The following IGF2BP3 variants were observed in gnomAD, a reference collection of about 807,000 sequenced individuals.
The protein encoded by IGF2BP3 is insulin like growth factor 2 mRNA binding protein 3, also known as insulin-like growth factor 2 mRNA-binding protein 3.
In IGF2BP3, 9 loss-of-function variants were observed where a neutral mutation model predicts 73.8. That is an observed-to-expected ratio of 0.12 (90% confidence interval 0.07 to 0.21). The LOEUF is 0.21. Ranked by LOEUF, IGF2BP3 falls within the 10% of genes least tolerant of loss-of-function variation. IGF2BP3 has a pLI of 1.00. For missense variants in IGF2BP3, 542 were observed against 714.0 expected, an observed-to-expected ratio of 0.76 and a Z score of 2.75; for synonymous variants, 258 against 256.7, an observed-to-expected ratio of 1.01 and a Z score of -0.05.
At chr7:23,325,408 C>G (rs1386225140) in intron 10 of IGF2BP3, among the ~76,000 whole-genome samples, 1 of 151,958 alleles carries the variant, frequency 6.6e-6, no homozygotes, top group Non-Finnish European at 1.5e-5. Flanking sequence ...AACCACTGCT[C>G]AATGAAATAA....
chr7:23,355,914 T>C (rs913684998), intron 5 of IGF2BP3, among the ~76,000 whole-genome samples: 1 of 141,746 alleles, frequency 7.1e-6, no homozygotes, highest in East Asian at 2.0e-4. Flanking sequence ...GCCTAGGTGA[T>C]GAAATGAGAC....
At chr7:23,379,457 C>G (rs903569517) in intron 3 of IGF2BP3, among the ~76,000 whole-genome samples, 1 of 152,110 alleles carries the variant, frequency 6.6e-6, no homozygotes, top group East Asian at 1.9e-4. Flanking sequence ...TATTTGGGTA[C>G]CAATTTGGAT....
intron 2 of IGF2BP3, among the ~76,000 whole-genome samples, chr7:23,447,294 A>G (rs1788089000): frequency 6.6e-6 from 1 of 151,868 alleles, no homozygotes; most frequent in Admixed American, 6.6e-5. Flanking sequence ...CAAACAAACA[A>G]AAAACTAGCT....
chr7:23,351,422 G>C lies in IGF2BP3; in HGVS notation c.566C>G (p.Ser189Cys). Residue 189 changes from serine to cysteine, a missense_variant, in exon 6 of 15, where the codon TCC becomes TGC. This residue lies in a region of IGF2BP3 where 239 missense variants were observed against 241.9 expected (regional missense o/e 0.99). Coordinates refer to ENST00000258729, the MANE Select transcript of IGF2BP3 (RefSeq NM_006547.3). ...AGGCAAATCACATGGTTTCTGCTTG[G>C]ATACGGATCCTGGAGACCCCTGCCT... ...SSRQGSPGSV[S>C]KQKPCDLPLR... The C allele has an allele frequency of 6.2e-7, 1 of 1,613,694 alleles. No individual in the cohort carries two copies. The highest frequency in any genetic ancestry group is 8.5e-7 in the Non-Finnish European group (1 of 1,179,836).
intron 10 of IGF2BP3, among the ~76,000 whole-genome samples, chr7:23,327,051 AAAACTT>A (rs1029812793): frequency 1.3e-5 from 2 of 151,330 alleles, no homozygotes; most frequent in African/African-American, 4.9e-5. Context: ...CATGTACCCT[AAAACTT>A]AAAGTATAAT....
At chr7:23,362,824 G>C (rs1785266413) in intron 3 of IGF2BP3, 1 of 152,078 alleles carries the variant, frequency 6.6e-6, no homozygotes, top group Non-Finnish European at 1.5e-5. Context: ...CATGATCACA[G>C]CTCACTGCAG....
At chr7:23,376,403 C>T (rs1200113205) in intron 3 of IGF2BP3, among the ~76,000 whole-genome samples, 4 of 151,432 alleles carry the variant, frequency 2.6e-5, no homozygotes, top group African/African-American at 7.3e-5. Flanking sequence ...GGCATGGTGG[C>T]GGGCACCTGT....
chr7:23,467,510 C>T (rs949993674), intron 2 of IGF2BP3, among the ~76,000 whole-genome samples: 1 of 152,182 alleles, frequency 6.6e-6, no homozygotes, highest in African/African-American at 2.4e-5. Context: ...AGAGGCCCAC[C>T]CCGGTGCGAC....
Position 23,383,863 on chromosome 7 carries a change from G to A in IGF2BP3, c.286-22122C>T, listed in dbSNP as rs534401323. Reference sequence around the variant, plus strand: ...TGTAATTCCAGCACTTTGGGAGGCCGAGGCGGGCAGATCATGAGGTCAGGA... The same window carrying A: ...TGTAATTCCAGCACTTTGGGAGGCCAAGGCGGGCAGATCATGAGGTCAGGA... On this transcript the variant is annotated intron_variant, in intron 3 of 14. Coordinates refer to ENST00000258729, the MANE Select transcript of IGF2BP3 (RefSeq NM_006547.3). Among the ~76,000 whole-genome samples the A allele has an allele frequency of 4.7e-4, 71 of 152,132 alleles. No homozygotes were observed. In the South Asian group the frequency reaches 6.9e-3, roughly 15 times the overall value.
chr7:23,470,277 C>G lies in IGF2BP3; in HGVS notation c.-167G>C, dbSNP rs1167335331. 1 of 519,864 alleles carries G rather than the reference C, an allele frequency of 1.9e-6. No homozygotes were observed. The highest frequency in any genetic ancestry group is 3.4e-6 in the Non-Finnish European group (1 of 298,074). 32.2% of individuals were successfully genotyped at this position (519,864 alleles called of 1,614,324 possible). A position where few individuals can be genotyped will look rare whatever the true frequency, so the allele number is the denominator to read the frequency against. ...AAGAACGAGGAGTGAAAAATCAGAT[C>G]CGAGGCTTGTTTTTTCCTTGTCTAG... On this transcript the variant is annotated 5_prime_UTR_variant, in exon 1 of 15. Transcript: ENST00000258729.
At chr7:23,340,623 G>C (rs373521720) in intron 10 of IGF2BP3, among the ~76,000 whole-genome samples, 1 of 152,228 alleles carries the variant, frequency 6.6e-6, no homozygotes, top group South Asian at 2.1e-4. Flanking sequence ...CAAAAAGGGA[G>C]AGATGTCAAA....
chr7:23,374,152 C>CA (rs1785645468), intron 3 of IGF2BP3, among the ~76,000 whole-genome samples: 1 of 152,128 alleles, frequency 6.6e-6, no homozygotes, highest in Non-Finnish European at 1.5e-5. Context: ...CACAGGGACT[C>CA]AAAGAAGTAC....
intron 3 of IGF2BP3, among the ~76,000 whole-genome samples, chr7:23,396,048 T>G (rs1353013086): frequency 6.6e-6 from 1 of 151,872 alleles, no homozygotes; most frequent in Non-Finnish European, 1.5e-5. Flanking sequence ...TGAGTTTTTT[T>G]TTTTTTTTTT....
intron 2 of IGF2BP3, among the ~76,000 whole-genome samples, chr7:23,441,274 A>G (rs1163022834): frequency 6.6e-6 from 1 of 152,078 alleles, no homozygotes; most frequent in Non-Finnish European, 1.5e-5. Flanking sequence ...TCTGCAAAAA[A>G]TAAAGACACA....
intron 2 of IGF2BP3, among the ~76,000 whole-genome samples, chr7:23,432,672 C>T (rs1787715485): frequency 6.7e-6 from 1 of 149,914 alleles, no homozygotes; most frequent in South Asian, 2.1e-4. Context: ...GAGGGTCTTG[C>T]TCTGTTGCTC....
intron 3 of IGF2BP3, among the ~76,000 whole-genome samples, chr7:23,386,449 C>G (rs1646132844): frequency 6.6e-6 from 1 of 152,172 alleles, no homozygotes; most frequent in South Asian, 2.1e-4. Flanking sequence ...CCACCACACA[C>G]AGAAACACAC....
chr7:23,320,896 G>A (rs1277572291), intron 10 of IGF2BP3, among the ~76,000 whole-genome samples: 3 of 142,978 alleles, frequency 2.1e-5, no homozygotes, highest in African/African-American at 8.2e-5. Context: ...GATGCAGTGA[G>A]CTGAGATCAC....
chr7:23,333,978 G>A (rs1182203346), intron 10 of IGF2BP3, among the ~76,000 whole-genome samples: 2 of 152,154 alleles, frequency 1.3e-5, no homozygotes, highest in African/African-American at 2.4e-5. Context: ...ACATAAATAT[G>A]CTGTCAACTT....
intron 10 of IGF2BP3, among the ~76,000 whole-genome samples, chr7:23,335,192 CAA>C (rs1399148545): frequency 6.8e-6 from 1 of 147,844 alleles, no homozygotes; most frequent in Non-Finnish European, 1.5e-5. Context: ...TGTTTACCAA[CAA>C]AAGAGTTGCA....
Sources: gnomAD v4.1 joint callset for allele counts (sites outside exome capture counted in the v4.1 genomes callset) on GRCh38, gnomAD v4.1.1 for gene constraint, gnomAD v4.1.1 regional missense constraint, MANE v1.5 for transcripts, NCBI Gene and HGNC (gene_info 2026-07-23, HGNC 2026-07-21) for gene names.